VPS8: variants seen among roughly 807,000 people sequenced by gnomAD.
The protein encoded by VPS8 is VPS8 subunit of CORVET complex.
In VPS8, 129 loss-of-function variants were observed where a neutral mutation model predicts 216.4. The ratio of observed to expected loss-of-function variants is 0.60; its 90% CI spans 0.52 to 0.69. The LOEUF is 0.69. Among genes scored for constraint, VPS8 ranks in the 30% least tolerant of loss-of-function variants. The pLI is 0.00. For synonymous variants in VPS8, 571 were observed against 565.4 expected (o/e 1.01, Z -0.14); for missense variants, 1,531 against 1,683.5 (o/e 0.91, Z 1.59).
At chr3:184,921,585 T>C (rs1184353724) in intron 29 of VPS8, among the ~76,000 whole-genome samples, 4 of 152,146 alleles carry the variant, frequency 2.6e-5, no homozygotes, top group Non-Finnish European at 1.5e-5. Context: ...CTTCTTCTTT[T>C]TTTTTTGAGA....
At chr3:184,938,641 C>CTTTTT (rs1298836777) in intron 35 of VPS8, among the ~76,000 whole-genome samples, 22 of 138,116 alleles carry the variant, frequency 1.6e-4, no homozygotes, top group East Asian at 4.0e-4. Context: ...CTTTTCTTTT[C>CTTTTT]TTTTTTTCTT....
At chr3:185,034,742 C>T (rs891774800) in intron 46 of VPS8, among the ~76,000 whole-genome samples, 1 of 151,878 alleles carries the variant, frequency 6.6e-6, no homozygotes, top group African/African-American at 2.4e-5. Context: ...TTTATTTTTG[C>T]ATTTGTTGCA....
intron 40 of VPS8, among the ~76,000 whole-genome samples, chr3:184,981,771 G>A (rs902480382): frequency 6.6e-6 from 1 of 152,098 alleles, no homozygotes; most frequent in Admixed American, 6.5e-5. Context: ...GGTTTAGGAA[G>A]AACACAGAAT....
chr3:185,049,000 C>CA (rs1713590423), intron 47 of VPS8, among the ~76,000 whole-genome samples: 1 of 152,194 alleles, frequency 6.6e-6, no homozygotes, highest in South Asian at 2.1e-4. Flanking sequence ...AGTGTAAATG[C>CA]AGCCAGCCAG....
At position 184,834,757 on chromosome 3, in the gene VPS8, C is replaced by CT. The variant is rs1720707828; in HGVS notation, c.447+19dup. 1 of 1,542,752 alleles carries CT rather than the reference C, an allele frequency of 6.5e-7. No homozygotes were observed. The highest frequency in any genetic ancestry group is 1.4e-5 in the African/African-American group (1 of 72,514). On this transcript the variant is annotated intron_variant, in intron 5 of 47. Coordinates refer to ENST00000625842, the MANE Select transcript of VPS8 (RefSeq NM_001009921.3). ...TGTCTGCAGCTGTAAGTATTTTGTT[C>CT]TTTTCCCTCAACTTTGTAACCTGCA...
intron 13 of VPS8, among the ~76,000 whole-genome samples, chr3:184,854,869 A>G (rs1488200132): frequency 2.6e-5 from 4 of 151,918 alleles, no homozygotes; most frequent in Non-Finnish European, 5.9e-5. Context: ...TTGTTTTCAG[A>G]GTTGTAATCT....
At chr3:184,950,924 TG>T (rs1744596165) in intron 36 of VPS8, among the ~76,000 whole-genome samples, 1 of 152,226 alleles carries the variant, frequency 6.6e-6, no homozygotes, top group South Asian at 2.1e-4. Context: ...TGCATAGTAT[TG>T]CATGGTGTAT....
At chr3:184,954,107 A>G (rs975432019) in intron 36 of VPS8, among the ~76,000 whole-genome samples, 2 of 152,166 alleles carry the variant, frequency 1.3e-5, no homozygotes, top group African/African-American at 2.4e-5. Flanking sequence ...CACCTTACTT[A>G]CATTTACTGG....
intron 1 of VPS8, among the ~76,000 whole-genome samples, chr3:184,817,599 A>G (rs757001975): frequency 6.6e-6 from 1 of 152,196 alleles, no homozygotes; most frequent in Non-Finnish European, 1.5e-5. Context: ...TTGACTACAT[A>G]TAAGTAGTAT....
At position 184,892,537 on chromosome 3, in the gene VPS8, A is replaced by G. The variant is rs533206230; in HGVS notation, c.1782-2166A>G. On this transcript the variant is annotated intron_variant, in intron 22 of 47. Transcript: ENST00000625842. The stretch of plus-strand genomic sequence containing the variant: ...CGGCCTAGCCTGTATGTACTTTTCT[A>G]TCTCCCCTCTTTCCTGATGCACTAA... 2.3e-3 allele frequency among the ~76,000 whole-genome samples: 350 copies of G among 152,210 alleles called. 1 individual carries two copies. Among genetic ancestry groups the G allele is most frequent in the African/African-American group, 8.1e-3 (337 of 41,548 alleles).
At chr3:185,014,498 A>G (rs1236919247) in intron 45 of VPS8, among the ~76,000 whole-genome samples, 19 of 152,106 alleles carry the variant, frequency 1.2e-4, no homozygotes, top group Non-Finnish European at 2.9e-5. Flanking sequence ...ATCCCAAGTT[A>G]TTATTTTACC....
At chr3:184,924,285 A>G (rs1200118443) in intron 29 of VPS8, among the ~76,000 whole-genome samples, 1 of 152,166 alleles carries the variant, frequency 6.6e-6, no homozygotes, top group East Asian at 1.9e-4. Flanking sequence ...GTTGATGGAC[A>G]GATTTTTAGT....
At chr3:185,009,126 G>A (rs372055678) in intron 45 of VPS8, among the ~76,000 whole-genome samples, 9 of 152,130 alleles carry the variant, frequency 5.9e-5, no homozygotes, top group African/African-American at 1.4e-4. Context: ...CTGTAAATTC[G>A]TACATTTCCC....
chr3:184,885,962 GAC>G (rs1731141896), intron 21 of VPS8, 146 bp from the exon 22 acceptor site: 2 of 742,910 alleles, frequency 2.7e-6, no homozygotes, highest in South Asian at 2.1e-5. Context: ...TTCAGACTTT[GAC>G]ACATAATGCC....
intron 18 of VPS8, 111 bp downstream of exon 18, chr3:184,868,170 G>A (rs1577982197): frequency 1.7e-6 from 2 of 1,181,762 alleles, no homozygotes; most frequent in East Asian, 4.8e-5. Flanking sequence ...AATTTCAGAA[G>A]TGTACAAGAA....
intron 45 of VPS8, among the ~76,000 whole-genome samples, chr3:185,005,878 G>T (rs1214258679): frequency 2.6e-5 from 4 of 152,000 alleles, no homozygotes; most frequent in Non-Finnish European, 4.4e-5. Flanking sequence ...TACCGATTGG[G>T]TGTCCTTTAT....
intron 14 of VPS8, among the ~76,000 whole-genome samples, chr3:184,857,509 A>G (rs144542501): frequency 7.5e-4 from 115 of 152,342 alleles, no homozygotes; most frequent in African/African-American, 2.7e-3. Context: ...CCTTGAAAGT[A>G]TCATCCCTTA....
chr3:185,037,861 A>C (rs967233459), intron 46 of VPS8, among the ~76,000 whole-genome samples: 1 of 152,184 alleles, frequency 6.6e-6, no homozygotes, highest in Non-Finnish European at 1.5e-5. Flanking sequence ...TATTGTCATC[A>C]TACCTTCCTT....
intron 3 of VPS8, among the ~76,000 whole-genome samples, chr3:184,829,277 G>A (rs1341876232): frequency 3.3e-5 from 5 of 152,082 alleles, no homozygotes; most frequent in African/African-American, 7.2e-5. Flanking sequence ...GCAGTGGCGC[G>A]ATCAGGGCTC....
Sources: gnomAD v4.1 joint callset for allele counts (sites outside exome capture counted in the v4.1 genomes callset) on GRCh38, gnomAD v4.1.1 for gene constraint, MANE v1.5 for transcripts, NCBI Gene and HGNC (gene_info 2026-07-23, HGNC 2026-07-21) for gene names.